Variants in KLF15 observed in about 807,000 individuals in gnomAD.
KLF15 encodes the protein Krueppel-like factor 15.
KLF15 carries 4 observed loss-of-function variants against 24.6 expected under a neutral mutation model. The observed-to-expected ratio is 0.16, with a 90% CI of 0.08 to 0.37. The LOEUF is 0.37. KLF15 is among the 10% of genes least tolerant of loss of function. KLF15 has a pLI of 1.00. For missense variants in KLF15, 496 were observed against 560.6 expected (o/e 0.88, Z 1.16); for synonymous variants, 246 against 236.3 (o/e 1.04, Z -0.37).
At chr3:126,327,320 C>G in the KLF15 span, among the ~76,000 whole-genome samples, 1 of 152,120 alleles carries the variant, frequency 6.6e-6, no homozygotes, top group African/African-American at 2.4e-5. Context: ...TTCACTTTTC[C>G]TCCGAGGCAA....
the KLF15 span, among the ~76,000 whole-genome samples, chr3:126,311,292 C>CACTCTCTCCTCCTCTAT: frequency 6.6e-6 from 1 of 152,240 alleles, no homozygotes; most frequent in Non-Finnish European, 1.5e-5. Context: ...AGTCCCAGGG[C>CACTCTCTCCTCCTCTAT]ACTCTCTCCT....
chr3:126,339,438 T>A (rs2082462862), downstream of KLF15, among the ~76,000 whole-genome samples: 1 of 152,212 alleles, frequency 6.6e-6, no homozygotes. Flanking sequence ...GCGTTTCTCG[T>A]GCCCTCCCGG....
At chr3:126,305,811 C>T in the KLF15 span, among the ~76,000 whole-genome samples, 2 of 152,114 alleles carry the variant, frequency 1.3e-5, no homozygotes, top group Non-Finnish European at 2.9e-5. Flanking sequence ...GACCACAAAC[C>T]CTTTTCAGGG....
the KLF15 span, among the ~76,000 whole-genome samples, chr3:126,337,622 A>AATGTCTTATT: frequency 3.3e-5 from 5 of 152,146 alleles, no homozygotes; most frequent in Non-Finnish European, 7.3e-5. Context: ...GTTGAGAAGA[A>AATGTCTTATT]ATGTCTTATT....
the KLF15 span, among the ~76,000 whole-genome samples, chr3:126,303,363 A>G: frequency 6.6e-6 from 1 of 152,028 alleles, no homozygotes; most frequent in South Asian, 2.1e-4. Context: ...TATTGTTGAA[A>G]GTTTCTTTAC....
At chr3:126,329,313 C>A in the KLF15 span, among the ~76,000 whole-genome samples, 5 of 151,894 alleles carry the variant, frequency 3.3e-5, no homozygotes, top group Non-Finnish European at 7.4e-5. Flanking sequence ...GTTATAACAC[C>A]ACATTAAAAA....
chr3:126,307,554 C>T, the KLF15 span, among the ~76,000 whole-genome samples: 536 of 152,322 alleles, frequency 3.5e-3, 3 homozygotes, highest in African/African-American at 0.012. Context: ...ACACAGCCAG[C>T]GCTACAGCAC....
the KLF15 span, among the ~76,000 whole-genome samples, chr3:126,308,841 G>A: frequency 3.8e-4 from 58 of 152,336 alleles, no homozygotes; most frequent in African/African-American, 1.4e-3. Flanking sequence ...GACAGAGAAG[G>A]ACAGCACTGG....
intron 2 of KLF15, among the ~76,000 whole-genome samples, chr3:126,345,419 C>G (rs569032312): frequency 1.3e-5 from 2 of 152,088 alleles, no homozygotes; most frequent in Non-Finnish European, 2.9e-5. Flanking sequence ...AGAGTGGGCA[C>G]AGCAAGCAGC....
At chr3:126,319,656 T>TTG in the KLF15 span, among the ~76,000 whole-genome samples, 9 of 152,388 alleles carry the variant, frequency 5.9e-5, no homozygotes, top group East Asian at 1.2e-3. Flanking sequence ...AGTTGTTTTG[T>TTG]TGTGTTTTTA....
chr3:126,292,609 G>GAGC, the KLF15 span, among the ~76,000 whole-genome samples: 1 of 152,192 alleles, frequency 6.6e-6, no homozygotes, highest in Non-Finnish European at 1.5e-5. Flanking sequence ...GATCAGTGAA[G>GAGC]AGCATTCCAG....
chr3:126,327,232 G>A, the KLF15 span, among the ~76,000 whole-genome samples: 4 of 152,290 alleles, frequency 2.6e-5, no homozygotes, highest in African/African-American at 9.6e-5. Context: ...TGGGGCTGGA[G>A]CTAAGTGAGA....
the KLF15 span, among the ~76,000 whole-genome samples, chr3:126,312,579 A>G: frequency 6.6e-6 from 1 of 152,182 alleles, no homozygotes; most frequent in Non-Finnish European, 1.5e-5. Flanking sequence ...GCACCCAGCA[A>G]TGCGCTAAGT....
At chr3:126,329,700 G>A in the KLF15 span, among the ~76,000 whole-genome samples, 1 of 144,194 alleles carries the variant, frequency 6.9e-6, no homozygotes, top group Admixed American at 7.1e-5. Context: ...GAATTGCAAT[G>A]AATTATAGAT....
chr3:126,343,912 G>T lies in KLF15; in HGVS notation c.1083-17C>A, dbSNP rs1224041534. ...CGCGAGAACCTGCGGGACATGGCGC[G>T]GTCAGCGAGGCCTGGCCCTGCCTGC... On this transcript the variant is annotated splice_polypyrimidine_tract_variant and intron_variant, in intron 2 of 2. Transcript: ENST00000296233. 5.1e-6 allele frequency: 8 copies of T among 1,562,318 alleles called. No homozygotes were observed. The highest frequency in any genetic ancestry group is 6.9e-6 in the Non-Finnish European group (8 of 1,156,028).
At chr3:126,336,602 G>T in the KLF15 span, among the ~76,000 whole-genome samples, 1 of 64,468 alleles carries the variant, frequency 1.6e-5, no homozygotes, top group African/African-American at 8.6e-5. Context: ...AAGAGCTTCT[G>T]CACAGCAAAA....
In KLF15 at chr3:126,356,299, A is replaced by G. The variant is rs2082632026; in HGVS notation, c.-26+938T>C. 6.6e-6 allele frequency among the ~76,000 whole-genome samples: 1 copy of G among 152,196 alleles called. No individual in the cohort carries two copies. Among genetic ancestry groups the G allele is most frequent in the African/African-American group, 2.4e-5 (1 of 41,530 alleles). On this transcript the variant is annotated intron_variant, in intron 1 of 2. Coordinates refer to ENST00000296233, the MANE Select transcript of KLF15 (RefSeq NM_014079.4). This position sits in a 1 kb window ranked among gnomAD's most constrained non-coding sequence, Gnocchi z 4.4. The stretch of plus-strand genomic sequence containing the variant: ...CAGGGGCCACCTGGTCCGGGGGGAC[A>G]GGGGGAAGGAGATTTGAGGCTCTCA...
chr3:126,345,551 A>ACT (rs892427134), intron 2 of KLF15, among the ~76,000 whole-genome samples: 1 of 123,334 alleles, frequency 8.1e-6, no homozygotes, highest in Non-Finnish European at 1.8e-5. Flanking sequence ...GCCCACACAT[A>ACT]CTCACACACA....
At chr3:126,313,654 T>C in the KLF15 span, among the ~76,000 whole-genome samples, 3 of 152,240 alleles carry the variant, frequency 2.0e-5, no homozygotes, top group Non-Finnish European at 4.4e-5. Context: ...CCTCAGTCCC[T>C]GGCATGGCTC....
Sources: gnomAD v4.1 joint callset for allele counts (sites outside exome capture counted in the v4.1 genomes callset) on GRCh38, gnomAD v4.1.1 for gene constraint, Gnocchi (gnomAD v3.1) non-coding constraint, MANE v1.5 for transcripts, NCBI Gene and HGNC (gene_info 2026-07-23, HGNC 2026-07-21) for gene names.